SYVN1: variants seen among roughly 807,000 people sequenced by gnomAD.
SYVN1 encodes synoviolin 1, also known as E3 ubiquitin-protein ligase synoviolin.
In SYVN1, 17 loss-of-function variants were observed where a neutral mutation model predicts 62.6. The observed-to-expected ratio is 0.27, with a 90% confidence interval of 0.19 to 0.41. SYVN1 has a LOEUF of 0.41. Among genes scored for constraint, SYVN1 ranks in the 10% least tolerant of loss-of-function variants. The probability of loss-of-function intolerance (pLI) is 1.00; values close to 1 mark genes in which losing one functional copy is unlikely to be tolerated. For missense variants in SYVN1, 634 were observed against 818.0 expected (o/e 0.78, Z 2.74); for synonymous variants, 316 against 304.0 (o/e 1.04, Z -0.41).
chr11:65,132,821 G>A, intron 4 of SYVN1, 41 bp from the exon 5 acceptor site: 1 of 1,613,118 alleles, frequency 6.2e-7, no homozygotes, highest in East Asian at 2.2e-5. Context: ...GAGGCCTGGG[G>A]CTCACCCCAC....
Position 65,129,855 on chromosome 11 carries a change from C to G in SYVN1, c.1469G>C (p.Arg490Pro), listed in dbSNP as rs780482628. Residue 490 changes from arginine (R) to proline (P), a missense_variant, in exon 14 of 16, where the codon CGA becomes CCA. This residue lies in a region of SYVN1 where 351 missense variants were observed against 373.3 expected (regional missense o/e 0.94). Transcript: ENST00000377190. The part of the protein sequence containing the change: ...GFAGLTPEEL[R>P]ALEGHERQHL... ...CTGCCGCTCATGGCCCTCCAGAGCTCGTAGCTCCTCTGGGGTCAGCCCAGC... is the reference window on the plus strand; with the variant it reads ...CTGCCGCTCATGGCCCTCCAGAGCTGGTAGCTCCTCTGGGGTCAGCCCAGC... 2 of 1,613,978 alleles carry G rather than the reference C, an allele frequency of 1.2e-6. No individual in the cohort carries two copies. Among genetic ancestry groups the G allele is most frequent in the African/African-American group, 1.3e-5 (1 of 74,928 alleles).
At position 65,133,036 on chromosome 11, in the gene SYVN1, A is replaced by G; in HGVS notation, c.264T>C (p.Thr88=). The change falls in exon 4 of 16, where the codon ACT becomes ACC. Residue 88 remains threonine (T), a synonymous_variant. Transcript: ENST00000377190. ...CCCGAAAAACGGTGAAGGCCAGACA[A>G]GTCTCTGTGACGGCGTACCAGGAAC... is the stretch of plus-strand genomic sequence containing the variant. ...LERSWYAVTE[T]CLAFTVFRDD... is the part of the protein sequence containing the mutation. 1 of 1,614,222 alleles carries G rather than the reference A, an allele frequency of 6.2e-7. No homozygotes were observed. Among genetic ancestry groups the G allele is most frequent in the Non-Finnish European group, 8.5e-7 (1 of 1,180,034 alleles).
At chr11:65,129,646 G>A (rs749285763) in intron 14 of SYVN1, 83 bp downstream of exon 14, 64 of 1,411,190 alleles carry the variant, frequency 4.5e-5, no homozygotes, top group Non-Finnish European at 5.9e-5. Context: ...AGGTGTCAAA[G>A]GCCAAGAACC....
At position 65,131,257 on chromosome 11, in the gene SYVN1, G is replaced by T. The variant is rs766847208; in HGVS notation, c.758+17C>A. On this transcript the variant is annotated intron_variant, in intron 8 of 15. Coordinates refer to ENST00000377190, the MANE Select transcript of SYVN1 (RefSeq NM_172230.3). The stretch of plus-strand genomic sequence containing the variant: ...CGGGATCAGGTCAGGAGGATCGGGG[G>T]ACAGGGCCGGGCTCACCTCATGGCC... The T allele has an allele frequency of 6.2e-7, 1 of 1,613,924 alleles. No homozygotes were observed. The highest frequency in any genetic ancestry group is 8.5e-7 in the Non-Finnish European group (1 of 1,179,798).
In SYVN1 at chr11:65,133,523, G is replaced by A; in HGVS notation, c.79C>T (p.His27Tyr). Residue 27 changes from histidine (H) to tyrosine (Y), a missense_variant, in exon 2 of 16, where the codon CAC becomes TAC. Transcript: ENST00000377190. ...TACACCACAGTGGGGTAGAACTGGT[G>A]TTTGAGGTAGTAGGCGTGAGCCACC... Reference protein sequence around the residue: ...AVVAHAYYLKHQFYPTVVYLT... With the variant: ...AVVAHAYYLKYQFYPTVVYLT... 1 of 1,613,764 alleles carries A rather than the reference G, an allele frequency of 6.2e-7. No homozygotes were observed. Among genetic ancestry groups the A allele is most frequent in the Non-Finnish European group, 8.5e-7 (1 of 1,180,036 alleles).
chr11:65,129,613 GT>G, intron 14 of SYVN1, 115 bp downstream of exon 14: 1 of 989,502 alleles, frequency 1.0e-6, no homozygotes, highest in Non-Finnish European at 1.5e-6. Flanking sequence ...TGGTGGGCCT[GT>G]AGATAGGCAG....
intron 11 of SYVN1, 26 bp downstream of exon 11, chr11:65,130,634 G>C: frequency 6.7e-7 from 1 of 1,500,826 alleles, no homozygotes; most frequent in South Asian, 1.4e-5. Context: ...GTGGTATGCC[G>C]GGTGGCCAGA....
intron 4 of SYVN1, 30 bp downstream of exon 4, chr11:65,132,892 C>T (rs771760415): frequency 6.2e-7 from 1 of 1,613,828 alleles, no homozygotes; most frequent in Non-Finnish European, 8.5e-7. Context: ...CTGGCTTCCA[C>T]CTGCTCCAGA....
chr11:65,134,056 C>T lies in SYVN1; in HGVS notation c.-18+400G>A, dbSNP rs566732313. Among the ~76,000 whole-genome samples the T allele has an allele frequency of 4.6e-5, 7 of 152,360 alleles. No individual in the cohort carries two copies. The East Asian group carries it at 1.4e-3, about 29-fold the overall frequency. On this transcript the variant is annotated intron_variant, in intron 1 of 15. Coordinates refer to ENST00000377190, the MANE Select transcript of SYVN1 (RefSeq NM_172230.3). The stretch of plus-strand genomic sequence containing the variant: ...CACAGAGGATAGCAGGCTGGGCAGG[C>T]GACAGCGCCGGTGACAGCTGTGTTA...
In SYVN1 at chr11:65,131,663, C is replaced by A; in HGVS notation, c.532-67G>T. ...CCCCCTTGCTGCACCCACATTGCTCCCCAAGGCCTCTGCACAGCAGGTGCA... is the reference window on the plus strand; with the variant it reads ...CCCCCTTGCTGCACCCACATTGCTCACCAAGGCCTCTGCACAGCAGGTGCA... On this transcript the variant is annotated intron_variant, in intron 6 of 15. Transcript: ENST00000377190. 3 of 1,578,322 alleles carry A rather than the reference C, an allele frequency of 1.9e-6. No individual in the cohort carries two copies. In the South Asian group the frequency reaches 3.4e-5, roughly 18 times the overall value.
Position 65,130,922 on chromosome 11 carries a change from G to A in SYVN1, c.939C>T (p.Thr313=). ...AGGCTCCCCAGGGCCCCTCCCACCT[G>A]GTATGGAAAATGTGGTTGCAGGGCA... The part of the protein sequence containing the change: ...KRLPCNHIFH[T]SCLRSWFQRQ... The change falls in exon 10 of 16, where the codon ACC becomes ACT. Residue 313 remains threonine, a splice_region_variant and synonymous_variant. Coordinates refer to ENST00000377190, the MANE Select transcript of SYVN1 (RefSeq NM_172230.3). The A allele has an allele frequency of 5.6e-6, 9 of 1,613,780 alleles. No individual in the cohort carries two copies. The highest frequency in any genetic ancestry group is 7.6e-6 in the Non-Finnish European group (9 of 1,180,006).
At chr11:65,128,910 C>A (rs547177834) in intron 14 of SYVN1, 196 bp from the exon 15 acceptor site, 2 of 622,646 alleles carry the variant, frequency 3.2e-6, no homozygotes, top group African/African-American at 3.7e-5. Context: ...TGATTCTATC[C>A]CTTAGCTGTA....
rs760233941 is a variant in SYVN1, at chr11:65,130,055, G to C, written c.1355C>G (p.Pro452Arg). The C allele has an allele frequency of 6.2e-7, 1 of 1,606,200 alleles. No individual in the cohort carries two copies. Among genetic ancestry groups the C allele is most frequent in the East Asian group, 2.2e-5 (1 of 44,582 alleles). ...SGSAPEAGPA[P>R]GFPFPPPWMG... is the part of the protein sequence containing the mutation. Reference sequence around the variant, plus strand: ...CCAGGGAGGAGGGAAGGGGAAACCAGGGGCAGGGCCAGCCTCTGGGGCAGA... The same window carrying C: ...CCAGGGAGGAGGGAAGGGGAAACCACGGGCAGGGCCAGCCTCTGGGGCAGA... The change falls in exon 13 of 16, where the codon CCT (proline) becomes CGT (arginine). Residue 452 changes from proline (P) to arginine (R), a missense_variant. By Grantham distance (103) the Pro-to-Arg change is moderately radical. Transcript: ENST00000377190.
chr11:65,130,891 C>T (rs1457019364), intron 10 of SYVN1, 29 bp downstream of exon 10: 9 of 1,612,920 alleles, frequency 5.6e-6, no homozygotes, highest in Non-Finnish European at 7.6e-6. Context: ...CTGTGCCCTG[C>T]TGTGCAGGCT....
In SYVN1 at chr11:65,132,335, C is replaced by T; in HGVS notation, c.444G>A (p.Leu148=). ...TGACGAAGAGGAAGTCCAGGATGCCCAGGAGGAACATAAGAGCTGTGGGGA... is the reference window on the plus strand; with the variant it reads ...TGACGAAGAGGAAGTCCAGGATGCCTAGGAGGAACATAAGAGCTGTGGGGA... ...HCRIVSLMFL[L]GILDFLFVSH... Residue 148 remains leucine, a synonymous_variant, in exon 6 of 16, where the codon CTG becomes CTA. Coordinates refer to ENST00000377190, the MANE Select transcript of SYVN1 (RefSeq NM_172230.3). The T allele has an allele frequency of 6.2e-7, 1 of 1,613,874 alleles. No homozygotes were observed. Among genetic ancestry groups the T allele is most frequent in the Non-Finnish European group, 8.5e-7 (1 of 1,179,842 alleles).
rs979140890 is a variant in SYVN1, at chr11:65,133,386, C to A, written c.132+84G>T. 5 of 1,589,476 alleles carry A rather than the reference C, an allele frequency of 3.1e-6. No individual in the cohort carries two copies. The East Asian group carries it at 1.1e-4, about 36-fold the overall frequency. ...CAGCTGGCGGCTACTTCCCTACTTA[C>A]CTGACCTCTAGCCCCGCCCCTTGCC... On this transcript the variant is annotated intron_variant, in intron 2 of 15. Transcript: ENST00000377190.
At position 65,132,735 on chromosome 11, in the gene SYVN1, C is replaced by A; in HGVS notation, c.424G>T (p.Val142Phe). 6.2e-7 allele frequency: 1 copy of A among 1,614,214 alleles called. No homozygotes were observed. Among genetic ancestry groups the A allele is most frequent in the East Asian group, 2.2e-5 (1 of 44,890 alleles). The part of the protein sequence containing the change: ...NISWLFHCRI[V>F]SLMFLLGILD... ...CCCTCCCCTGAATCTCACTCACAGACAATGCGGCAGTGAAAGAGCCAGGAG... is the reference window on the plus strand; with the variant it reads ...CCCTCCCCTGAATCTCACTCACAGAAAATGCGGCAGTGAAAGAGCCAGGAG... The change falls in exon 5 of 16, where the codon GTC becomes TTC. Residue 142 changes from valine (V) to phenylalanine (F), a missense_variant. Val to Phe is a conservative substitution (Grantham distance 50, BLOSUM62 -1). Transcript: ENST00000377190.
chr11:65,129,702 C>T (rs201949303), intron 14 of SYVN1, 27 bp downstream of exon 14: 4 of 1,605,880 alleles, frequency 2.5e-6, no homozygotes, highest in Non-Finnish European at 3.4e-6. Flanking sequence ...CCACCAAACC[C>T]ACTCTGCTTC....
At chr11:65,133,414 G>A (rs985428022) in intron 2 of SYVN1, 56 bp downstream of exon 2, 1 of 1,602,312 alleles carries the variant, frequency 6.2e-7, no homozygotes, top group African/African-American at 1.3e-5. Flanking sequence ...CCCTTGCCCA[G>A]GCAGACTCCT....
Sources: gnomAD v4.1 joint callset for allele counts (sites outside exome capture counted in the v4.1 genomes callset) on GRCh38, gnomAD v4.1.1 for gene constraint, gnomAD v4.1.1 regional missense constraint, MANE v1.5 for transcripts, NCBI Gene and HGNC (gene_info 2026-07-23, HGNC 2026-07-21) for gene names.